The following IGF2R variants were observed in gnomAD, a reference collection of about 807,000 sequenced individuals.
IGF2R encodes the protein cation-independent mannose-6-phosphate receptor.
Under a neutral mutation model 270.6 loss-of-function variants are expected in IGF2R, and 91 were observed. That is an observed-to-expected ratio of 0.34 (90% CI 0.28 to 0.40). The LOEUF (loss-of-function observed/expected upper bound fraction) is 0.40, where lower values mean the gene tolerates loss of function less well. IGF2R is among the 10% of genes least tolerant of loss of function. IGF2R has a pLI of 1.00. For synonymous variants in IGF2R, 1,316 were observed against 1,258.9 expected (o/e 1.05, Z -0.96); for missense variants, 2,805 against 3,188.3 (o/e 0.88, Z 2.90).
chr6:159,979,243 A>G (rs1226852441), intron 1 of IGF2R, among the ~76,000 whole-genome samples: 1 of 152,156 alleles, frequency 6.6e-6, no homozygotes, highest in Non-Finnish European at 1.5e-5. Context: ...TATACATTTT[A>G]AAACAGCTGT....
At chr6:160,016,032 T>C (rs1381541475) in intron 4 of IGF2R, among the ~76,000 whole-genome samples, 1 of 152,208 alleles carries the variant, frequency 6.6e-6, no homozygotes, top group Non-Finnish European at 1.5e-5. Flanking sequence ...CCAGTTAAAC[T>C]TCTTTTCTTT....
chr6:160,032,794 C>T, intron 8 of IGF2R, 81 bp downstream of exon 8: 1 of 1,478,148 alleles, frequency 6.8e-7, no homozygotes, highest in Non-Finnish European at 9.2e-7. Flanking sequence ...GGGGCCAAGT[C>T]AGTCCATGCA....
At chr6:160,040,760 A>G (rs1409843402) in intron 11 of IGF2R, 36 bp downstream of exon 11, 2 of 1,576,654 alleles carry the variant, frequency 1.3e-6, no homozygotes, top group Admixed American at 1.8e-5. Flanking sequence ...CTTAGTCCAC[A>G]TGCTCATGGA....
intron 35 of IGF2R, 197 bp downstream of exon 35, chr6:160,074,172 C>T (rs939443495): frequency 5.2e-6 from 3 of 580,178 alleles, no homozygotes; most frequent in Non-Finnish European, 9.2e-6. Context: ...ATGATGGTAG[C>T]CAGCCAGTCT....
At chr6:160,017,234 AG>A in intron 4 of IGF2R, among the ~76,000 whole-genome samples, 1 of 152,350 alleles carries the variant, frequency 6.6e-6, no homozygotes, top group East Asian at 1.9e-4. Flanking sequence ...TTGAGTTGAA[AG>A]TTTCAACCAT....
At chr6:160,049,354 T>C (rs1251148463) in intron 18 of IGF2R, among the ~76,000 whole-genome samples, 1 of 152,230 alleles carries the variant, frequency 6.6e-6, no homozygotes, top group Non-Finnish European at 1.5e-5. Context: ...TCAGTCATTG[T>C]TGGAACGAGT....
At chr6:160,021,262 C>A (rs1190811298) in intron 4 of IGF2R, among the ~76,000 whole-genome samples, 1 of 151,728 alleles carries the variant, frequency 6.6e-6, no homozygotes, top group Admixed American at 6.6e-5. Flanking sequence ...TACTATGCAG[C>A]CATAAAAATG....
chr6:159,984,844 T>C (rs1192280850), intron 1 of IGF2R, among the ~76,000 whole-genome samples: 2 of 152,186 alleles, frequency 1.3e-5, no homozygotes, highest in African/African-American at 4.8e-5. Context: ...TATGAAGATA[T>C]TTTGAGAGAG....
intron 2 of IGF2R, among the ~76,000 whole-genome samples, chr6:159,995,148 G>T (rs899621497): frequency 6.6e-5 from 10 of 151,424 alleles, no homozygotes; most frequent in Non-Finnish European, 1.5e-5. Context: ...ATTTAGGATG[G>T]TTATATCTTG....
In IGF2R at chr6:159,969,180, C is replaced by G. The variant is rs938112404; in HGVS notation, c.-67C>G. On this transcript the variant is annotated 5_prime_UTR_variant, in exon 1 of 48. Transcript: ENST00000356956. ...TTGCCCTGGCGGCGCGACCCCGTCC[C>G]GGGCGCGGCCCCCAGCAGTCGCGCG... is the stretch of plus-strand genomic sequence containing the variant. The G allele has an allele frequency of 1.5e-5, 14 of 937,148 alleles. No individual in the cohort carries two copies. The highest frequency in any genetic ancestry group is 5.4e-5 in the African/African-American group (3 of 55,754). The allele number at this position is 937,148 out of a possible 1,614,324, so 58.1% of individuals were successfully genotyped here. A position where few individuals can be genotyped will look rare whatever the true frequency, so the allele number is the denominator to read the frequency against.
intron 2 of IGF2R, among the ~76,000 whole-genome samples, chr6:159,996,173 G>C (rs13220412): frequency 0.05 from 7,651 of 152,234 alleles, 236 homozygotes; most frequent in Middle Eastern, 0.095. Flanking sequence ...GTGTGAGCAG[G>C]ATCCTCACCG....
rs917051497 is a variant in IGF2R at position 160,073,350 on chromosome 6, A to G, written c.4828A>G (p.Ile1610Val). The change falls in exon 34 of 48, where the codon ATC becomes GTC. Residue 1610 changes from isoleucine (I) to valine (V), a missense_variant. Ile to Val is a conservative substitution (Grantham distance 29, BLOSUM62 3). This residue lies in a region of IGF2R where 1,851 missense variants were observed against 2,207.2 expected (regional missense o/e 0.84). Transcript: ENST00000356956. ...SKSGLSYKSVISFVCRPEARP... is the reference protein window; with the variant it reads ...SKSGLSYKSVVSFVCRPEARP... ...ATCCGGCCTGAGCTATAAGAGTGTGATCAGTTTCGTGTGCAGGCCTGAGGC... is the reference window on the plus strand; with the variant it reads ...ATCCGGCCTGAGCTATAAGAGTGTGGTCAGTTTCGTGTGCAGGCCTGAGGC... 1.9e-6 allele frequency: 3 copies of G among 1,614,244 alleles called. No homozygotes were observed. The highest frequency in any genetic ancestry group is 3.3e-5 in the Admixed American group (2 of 60,034).
At chr6:160,002,618 T>G (rs1218717268) in intron 2 of IGF2R, among the ~76,000 whole-genome samples, 2 of 152,190 alleles carry the variant, frequency 1.3e-5, no homozygotes, top group Admixed American at 1.3e-4. Context: ...CAACTGCATT[T>G]GATTTCCTTT....
chr6:159,981,481 C>T (rs1020457967), intron 1 of IGF2R, among the ~76,000 whole-genome samples: 2 of 152,170 alleles, frequency 1.3e-5, no homozygotes, highest in Admixed American at 1.3e-4. Context: ...AGAGGGCACC[C>T]CCCGCCCCCA....
chr6:159,988,343 A>G (rs1331296908), intron 1 of IGF2R, among the ~76,000 whole-genome samples: 1 of 151,936 alleles, frequency 6.6e-6, no homozygotes, highest in African/African-American at 2.4e-5. Flanking sequence ...GTGAAACCCT[A>G]TCTCTACTAA....
In IGF2R at chr6:160,010,347, C is replaced by T. The variant is rs574074194; in HGVS notation, c.415-340C>T. On this transcript the variant is annotated intron_variant, in intron 3 of 47. Coordinates refer to ENST00000356956, the MANE Select transcript of IGF2R (RefSeq NM_000876.4). ...GCATGAGGTCACGTTTTCTGGCTTT[C>T]GTTTGCTGGCATTTGCTTAAGAGAA... 2.6e-4 allele frequency: 47 copies of T among 179,748 alleles called. 1 individual carries two copies. Among genetic ancestry groups the T allele is most frequent in the Admixed American group, 2.1e-3 (36 of 17,132 alleles). 11.1% of individuals were successfully genotyped at this position (179,748 alleles called of 1,614,324 possible). A position where few individuals can be genotyped will look rare whatever the true frequency, so the allele number is the denominator to read the frequency against.
chr6:159,997,710 T>G (rs997219853), intron 2 of IGF2R, among the ~76,000 whole-genome samples: 5 of 152,194 alleles, frequency 3.3e-5, no homozygotes, highest in Non-Finnish European at 7.3e-5. Context: ...CAGGCTCCAG[T>G]GCTCTCCACT....
intron 30 of IGF2R, among the ~76,000 whole-genome samples, chr6:160,069,092 G>A (rs1778657034): frequency 6.6e-6 from 1 of 152,058 alleles, no homozygotes; most frequent in Non-Finnish European, 1.5e-5. Flanking sequence ...TATGTTGAGA[G>A]TTGTATGGTC....
intron 36 of IGF2R, among the ~76,000 whole-genome samples, chr6:160,077,366 A>G (rs1207267409): frequency 6.6e-6 from 1 of 152,238 alleles, no homozygotes; most frequent in Non-Finnish European, 1.5e-5. Flanking sequence ...TTTAAAGGAC[A>G]GTCTTCACTT....
Sources: gnomAD v4.1 joint callset for allele counts (sites outside exome capture counted in the v4.1 genomes callset) on GRCh38, gnomAD v4.1.1 for gene constraint, gnomAD v4.1.1 regional missense constraint, MANE v1.5 for transcripts, NCBI Gene and HGNC (gene_info 2026-07-23, HGNC 2026-07-21) for gene names.